Variants in MAPK10 observed in about 807,000 individuals in gnomAD.
The protein encoded by MAPK10 is mitogen-activated protein kinase 10.
Under a neutral mutation model 59.3 loss-of-function variants are expected in MAPK10, and 25 were observed. That is an observed-to-expected ratio of 0.42 (90% CI 0.31 to 0.59). The LOEUF (loss-of-function observed/expected upper bound fraction) is 0.59. MAPK10 is among the 20% of genes least tolerant of loss of function. The pLI is 0.15. For synonymous variants in MAPK10, 190 were observed against 200.5 expected, an observed-to-expected ratio of 0.95 and a Z score of 0.44; for missense variants, 351 against 568.9, an observed-to-expected ratio of 0.62 and a Z score of 3.90.
intron 1 of MAPK10, chr4:86,370,954 C>A (rs922413021): frequency 1.3e-5 from 2 of 152,094 alleles, no homozygotes; most frequent in African/African-American, 2.4e-5. Flanking sequence ...TTAAAAGTGA[C>A]GGAAAACATA....
At chr4:86,111,235 A>G (rs2057428313) in intron 4 of MAPK10, among the ~76,000 whole-genome samples, 1 of 152,070 alleles carries the variant, frequency 6.6e-6, no homozygotes. Context: ...CTCTTGCCCG[A>G]TGTTCTGGTC....
rs939930244 is a variant in MAPK10 at position 86,067,145 on chromosome 4, T to G, written c.985+628A>C. ...GAATTACATTATGAAGTATAATATATATCTATTTTTTGAGACGGAGTCTTG... is the reference window on the plus strand; with the variant it reads ...GAATTACATTATGAAGTATAATATAGATCTATTTTTTGAGACGGAGTCTTG... On this transcript the variant is annotated intron_variant, in intron 10 of 13. Coordinates refer to ENST00000641462, the MANE Select transcript of MAPK10 (RefSeq NM_138982.4). Among the ~76,000 whole-genome samples, 10 of 152,132 alleles carry G rather than the reference T, an allele frequency of 6.6e-5. No homozygotes were observed. The East Asian group carries it at 1.9e-3, about 29-fold the overall frequency.
chr4:86,179,363 T>C (rs1317885720), intron 3 of MAPK10, among the ~76,000 whole-genome samples: 4 of 151,942 alleles, frequency 2.6e-5, no homozygotes, highest in African/African-American at 9.7e-5. Flanking sequence ...TTAAAAAGGA[T>C]ACAAATGAAA....
chr4:86,075,937 A>C (rs1288393609), intron 9 of MAPK10, among the ~76,000 whole-genome samples: 15 of 151,908 alleles, frequency 9.9e-5, no homozygotes, highest in Middle Eastern at 6.8e-3. Flanking sequence ...TCGAGTTTCC[A>C]GGCTGCTTTG....
rs1401091989 is a variant in MAPK10, at chr4:86,017,733, A to AT, written c.1253-364dup. On this transcript the variant is annotated intron_variant, in intron 13 of 13. Transcript: ENST00000641462. The surrounding 1 kb of genome is among the most constrained non-coding windows in gnomAD (Gnocchi z 4.4). ...AAGGTATTTGCATTTTTATTTATTT[A>AT]TTTTTTTTGAGATGGAGTCTCGCTC... is the stretch of plus-strand genomic sequence containing the variant. 2.0e-5 allele frequency among the ~76,000 whole-genome samples: 3 copies of AT among 151,686 alleles called. No individual in the cohort carries two copies. Among genetic ancestry groups the AT allele is most frequent in the Admixed American group, 1.3e-4 (2 of 15,242 alleles).
chr4:86,437,678 TATC>T (rs1261866073), intron 1 of MAPK10, among the ~76,000 whole-genome samples: 2 of 152,206 alleles, frequency 1.3e-5, no homozygotes, highest in Non-Finnish European at 2.9e-5. Flanking sequence ...GAAAAGTTGT[TATC>T]ATATCTTTTT....
intron 1 of MAPK10, among the ~76,000 whole-genome samples, chr4:86,572,873 T>G (rs889477764): frequency 6.6e-6 from 1 of 152,366 alleles, no homozygotes; most frequent in Admixed American, 6.5e-5. Context: ...TTCATCTTAA[T>G]TTGCATTTTC....
intron 1 of MAPK10, among the ~76,000 whole-genome samples, chr4:86,382,309 C>A (rs1347828393): frequency 6.6e-6 from 1 of 152,076 alleles, no homozygotes; most frequent in Non-Finnish European, 1.5e-5. Context: ...GGCACTGACC[C>A]CCCACTCAGT....
rs750969033 is a variant in MAPK10, at chr4:86,017,256, G to A, written c.1367C>T (p.Ser456Leu). ...ASDTDSSLEA[S>L]AGPLGCCR ...CCTGCAACAACCCAGGGGTCCTGCC[G>A]AGGCTTCCAGGCTGCTGTCAGTGTC... Residue 456 changes from serine (S) to leucine (L), a missense_variant, in exon 14 of 14, where the codon TCG becomes TTG. Coordinates refer to ENST00000641462, the MANE Select transcript of MAPK10 (RefSeq NM_138982.4). This position sits in a 1 kb window ranked among gnomAD's most constrained non-coding sequence, Gnocchi z 4.4. 8 of 1,614,008 alleles carry A rather than the reference G, an allele frequency of 5.0e-6. No individual in the cohort carries two copies. Among genetic ancestry groups the A allele is most frequent in the African/African-American group, 1.3e-5 (1 of 74,890 alleles).
intron 2 of MAPK10, chr4:86,308,521 T>C (rs553436052): frequency 5.9e-5 from 9 of 152,334 alleles, no homozygotes; most frequent in African/African-American, 2.2e-4. Context: ...TGAATATCTC[T>C]ATGCCTCTAT....
At chr4:86,115,782 A>T (rs948656474) in intron 4 of MAPK10, among the ~76,000 whole-genome samples, 1 of 152,146 alleles carries the variant, frequency 6.6e-6, no homozygotes, top group African/African-American at 2.4e-5. Flanking sequence ...CTAATCAGCC[A>T]TCTTGGCTCC....
intron 2 of MAPK10, among the ~76,000 whole-genome samples, chr4:86,314,113 T>C (rs1330728510): frequency 6.6e-6 from 1 of 152,140 alleles, no homozygotes; most frequent in African/African-American, 2.4e-5. Context: ...GCCATTTATA[T>C]CAAGTTCAGA....
intron 2 of MAPK10, among the ~76,000 whole-genome samples, chr4:86,293,722 C>T (rs939026778): frequency 5.9e-5 from 9 of 152,088 alleles, no homozygotes; most frequent in Non-Finnish European, 1.0e-4. Flanking sequence ...GGGGAGCAGG[C>T]GTTTCACATG....
At chr4:86,451,077 G>C (rs1351879177) in intron 1 of MAPK10, among the ~76,000 whole-genome samples, 1 of 152,088 alleles carries the variant, frequency 6.6e-6, no homozygotes, top group Non-Finnish European at 1.5e-5. Context: ...AGATTTACAA[G>C]GTAACAAAGG....
chr4:86,295,266 C>G (rs530004919), intron 2 of MAPK10, among the ~76,000 whole-genome samples: 1 of 152,296 alleles, frequency 6.6e-6, no homozygotes, highest in African/African-American at 2.4e-5. Flanking sequence ...TCTCCCAGAT[C>G]TCTATTTTAC....
intron 2 of MAPK10, among the ~76,000 whole-genome samples, chr4:86,283,063 C>T (rs557842583): frequency 2.6e-5 from 4 of 152,258 alleles, no homozygotes; most frequent in Admixed American, 2.6e-4. Flanking sequence ...AATAAAAACA[C>T]TATTTTGTTC....
intron 3 of MAPK10, among the ~76,000 whole-genome samples, chr4:86,176,945 A>C (rs781015549): frequency 1.2e-4 from 19 of 152,128 alleles, no homozygotes; most frequent in Non-Finnish European, 1.9e-4. Flanking sequence ...AATTAGTGCA[A>C]AATTAAATGT....
intron 1 of MAPK10, among the ~76,000 whole-genome samples, chr4:86,424,324 G>C (rs1476739438): frequency 6.6e-6 from 1 of 152,054 alleles, no homozygotes; most frequent in Non-Finnish European, 1.5e-5. Context: ...CAAGTAGCTG[G>C]GATTACAGGC....
rs2092751022 is a variant in MAPK10 at position 86,242,015 on chromosome 4, GT to G, written c.-6-47609del. 2.0e-5 allele frequency among the ~76,000 whole-genome samples: 3 copies of G among 152,182 alleles called. No individual in the cohort carries two copies. In the South Asian group the frequency reaches 6.2e-4, roughly 32 times the overall value. On this transcript the variant is annotated intron_variant, in intron 2 of 13. Transcript: ENST00000641462. The stretch of plus-strand genomic sequence containing the variant: ...GCTGCTACCCTTGGATGGGGTTTTT[GT>G]GGGGGTCTTTTTTGTTGTTGTTGGT...
Sources: allele counts gnomAD v4.1 joint callset (sites outside exome capture counted in the v4.1 genomes callset), GRCh38; gene constraint gnomAD v4.1.1; non-coding constraint Gnocchi (gnomAD v3.1); transcripts MANE v1.5; gene names NCBI Gene and HGNC (gene_info 2026-07-23, HGNC 2026-07-21).